The following BCKDHB variants were observed in gnomAD, a reference collection of about 807,000 sequenced individuals.
BCKDHB encodes 2-oxoisovalerate dehydrogenase subunit beta, mitochondrial.
BCKDHB carries 41 observed loss-of-function variants against 48.5 expected under a neutral mutation model. The ratio of observed to expected loss-of-function variants is 0.85; its 90% CI spans 0.66 to 1.10. BCKDHB has a LOEUF of 1.10. Among genes scored for constraint, BCKDHB ranks in the 50% least tolerant of loss-of-function variants. The pLI, the probability that BCKDHB is intolerant of heterozygous loss-of-function variation, is 0.00. For missense variants in BCKDHB, 496 were observed against 494.2 expected (o/e 1.00, Z -0.03); for synonymous variants, 201 against 174.8 (o/e 1.15, Z -1.18).
chr6:80,351,577 CA>C, the BCKDHB span, among the ~76,000 whole-genome samples: 2 of 151,090 alleles, frequency 1.3e-5, no homozygotes, highest in African/African-American at 4.9e-5. Context: ...AATAGGTGAC[CA>C]AAATTGGGCC....
At chr6:80,111,637 A>G (rs996060966) in intron 1 of BCKDHB, among the ~76,000 whole-genome samples, 2 of 152,206 alleles carry the variant, frequency 1.3e-5, no homozygotes, top group African/African-American at 4.8e-5. Context: ...AATTCCAAAT[A>G]AATAGAACAC....
At chr6:80,410,693 G>C in the BCKDHB span, among the ~76,000 whole-genome samples, 1 of 151,858 alleles carries the variant, frequency 6.6e-6, no homozygotes, top group Non-Finnish European at 1.5e-5. Context: ...TCATTAATTT[G>C]ATCTTCAATC....
At chr6:80,351,450 T>C in the BCKDHB span, among the ~76,000 whole-genome samples, 3 of 152,086 alleles carry the variant, frequency 2.0e-5, no homozygotes, top group African/African-American at 7.2e-5. Context: ...TGGGTCCAAG[T>C]TAATTCTTCC....
chr6:80,306,296 T>C (rs180750772), intron 9 of BCKDHB, among the ~76,000 whole-genome samples: 1 of 152,330 alleles, frequency 6.6e-6, no homozygotes, highest in African/African-American at 2.4e-5. Context: ...ATGTGAATAG[T>C]GAACACCTGG....
At chr6:80,171,440 T>G in intron 6 of BCKDHB, 50 bp downstream of exon 6, 1 of 1,071,136 alleles carries the variant, frequency 9.3e-7, no homozygotes, top group Non-Finnish European at 1.4e-6. Context: ...TATACTTTGT[T>G]TTTTATAGCT....
At chr6:80,144,503 A>G (rs1771378670) in intron 3 of BCKDHB, among the ~76,000 whole-genome samples, 1 of 152,182 alleles carries the variant, frequency 6.6e-6, no homozygotes, top group Non-Finnish European at 1.5e-5. Context: ...GACTGAATTC[A>G]TCCTGCAGTT....
At position 80,342,581 on chromosome 6, in the gene BCKDHB, AAAG is replaced by A. The variant is rs1562241492; in HGVS notation, c.1039-1082_1039-1080del. Among the ~76,000 whole-genome samples the A allele has an allele frequency of 2.3e-3, 297 of 128,228 alleles. 3 individuals carry two copies. Among genetic ancestry groups the A allele is most frequent in the Non-Finnish European group, 2.8e-3 (171 of 61,734 alleles). The allele number at this position is 128,228 out of a possible 152,430, so 84.1% of individuals were successfully genotyped here. The stretch of plus-strand genomic sequence containing the variant: ...GAAAAAAAAAAAAAAAAAAAAAAAG[AAAG>A]GGAAGAAAGGGGAAGGAAGGGAAGG... On this transcript the variant is annotated intron_variant, in intron 9 of 9. Transcript: ENST00000320393.
the BCKDHB span, chr6:80,374,235 A>G: frequency 2.4e-5 from 18 of 747,344 alleles, no homozygotes; most frequent in East Asian, 4.6e-4. Context: ...CTCAATGGCC[A>G]GAGAGTCTAC....
chr6:80,272,526 C>G lies in BCKDHB; in HGVS notation c.952-609C>G, dbSNP rs770348806. Among the ~76,000 whole-genome samples the G allele has an allele frequency of 7.9e-5, 12 of 152,098 alleles. 1 individual carries two copies. Among genetic ancestry groups the G allele is most frequent in the Non-Finnish European group, 2.9e-5 (2 of 68,012 alleles). On this transcript the variant is annotated intron_variant, in intron 8 of 9. Coordinates refer to ENST00000320393, the MANE Select transcript of BCKDHB (RefSeq NM_183050.4). ...AGTGTATCATGCACAGTGTGGACAA[C>G]CACATTGAACAACTATTGAGAATAC...
chr6:80,153,572 G>A (rs1299765827), intron 3 of BCKDHB, among the ~76,000 whole-genome samples: 1 of 152,122 alleles, frequency 6.6e-6, no homozygotes, highest in Non-Finnish European at 1.5e-5. Flanking sequence ...ATTTTTGGCT[G>A]CCACGTGCCT....
chr6:80,260,681 T>C (rs1456521356), intron 8 of BCKDHB, among the ~76,000 whole-genome samples: 5 of 152,160 alleles, frequency 3.3e-5, no homozygotes, highest in Non-Finnish European at 1.5e-5. Context: ...TAGAAACACG[T>C]GGTGAAGATA....
At chr6:80,230,870 T>C (rs1417764098) in intron 8 of BCKDHB, among the ~76,000 whole-genome samples, 1 of 152,170 alleles carries the variant, frequency 6.6e-6, no homozygotes, top group East Asian at 1.9e-4. Flanking sequence ...TCATGAGAGC[T>C]TCATTCATGA....
At chr6:80,400,221 A>T in the BCKDHB span, among the ~76,000 whole-genome samples, 2 of 152,110 alleles carry the variant, frequency 1.3e-5, no homozygotes, top group African/African-American at 4.8e-5. Flanking sequence ...AAAACCCAAA[A>T]TTCACAAATG....
chr6:80,298,070 T>A (rs539999597), intron 9 of BCKDHB, among the ~76,000 whole-genome samples: 2 of 152,080 alleles, frequency 1.3e-5, no homozygotes, highest in African/African-American at 2.4e-5. Flanking sequence ...TTAATTAAGC[T>A]GATGTTTAAC....
At chr6:80,233,089 G>C (rs1776001592) in intron 8 of BCKDHB, among the ~76,000 whole-genome samples, 1 of 151,974 alleles carries the variant, frequency 6.6e-6, no homozygotes, top group African/African-American at 2.4e-5. Context: ...CAATACTCAT[G>C]CTTAATATGC....
chr6:80,208,035 A>G (rs189369447), intron 8 of BCKDHB, among the ~76,000 whole-genome samples: 5 of 151,814 alleles, frequency 3.3e-5, no homozygotes, highest in Non-Finnish European at 5.9e-5. Flanking sequence ...GCACCAAACT[A>G]TCAATAGAAT....
At chr6:80,229,285 G>A (rs752726342) in intron 8 of BCKDHB, among the ~76,000 whole-genome samples, 2 of 152,196 alleles carry the variant, frequency 1.3e-5, no homozygotes, top group Non-Finnish European at 2.9e-5. Flanking sequence ...AAATAGCAGA[G>A]TGAAGGGAAG....
chr6:80,460,157 C>T, the BCKDHB span, among the ~76,000 whole-genome samples: 1 of 152,104 alleles, frequency 6.6e-6, no homozygotes, highest in Non-Finnish European at 1.5e-5. Flanking sequence ...CAATATTTAA[C>T]AGCAAGAACC....
intron 6 of BCKDHB, among the ~76,000 whole-genome samples, chr6:80,196,959 A>G (rs1023669396): frequency 6.6e-6 from 1 of 152,116 alleles, no homozygotes; most frequent in Non-Finnish European, 1.5e-5. Flanking sequence ...TTTTGTCACT[A>G]TTTATCTGAT....
Sources: gnomAD v4.1 joint callset for allele counts (sites outside exome capture counted in the v4.1 genomes callset) on GRCh38, gnomAD v4.1.1 for gene constraint, MANE v1.5 for transcripts, NCBI Gene and HGNC (gene_info 2026-07-23, HGNC 2026-07-21) for gene names.